Variants in PRTG observed in about 807,000 individuals in gnomAD.
PRTG encodes the protein immunoglobulin superfamily, DCC subclass, member 5.
A neutral mutation model predicts 122.5 loss-of-function variants in PRTG; 67 were observed. That is an observed-to-expected ratio of 0.55 (90% CI 0.45 to 0.67). The LOEUF is 0.67. PRTG is among the 30% of genes least tolerant of loss of function. The pLI is 0.00. For missense variants in PRTG, 1,435 were observed against 1,415.4 expected (o/e 1.01, Z -0.22); for synonymous variants, 554 against 501.1 (o/e 1.11, Z -1.41).
At chr15:55,626,408 CAA>C (rs79517434) in intron 17 of PRTG, among the ~76,000 whole-genome samples, 23 of 116,306 alleles carry the variant, frequency 2.0e-4, no homozygotes, top group Non-Finnish European at 2.2e-4. Context: ...GACTTTGTCT[CAA>C]AAAAAAAAAA....
intron 2 of PRTG, among the ~76,000 whole-genome samples, chr15:55,724,686 A>C (rs551904110): frequency 6.6e-6 from 1 of 152,310 alleles, no homozygotes; most frequent in African/African-American, 2.4e-5. Flanking sequence ...TGAACCCAGA[A>C]GGCAGAGGTT....
At chr15:55,630,781 A>G (rs2059223381) in intron 15 of PRTG, among the ~76,000 whole-genome samples, 1 of 152,128 alleles carries the variant, frequency 6.6e-6, no homozygotes, top group South Asian at 2.1e-4. Context: ...ATTCAACCAG[A>G]AAGTTGTTTC....
intron 2 of PRTG, among the ~76,000 whole-genome samples, chr15:55,708,973 C>T (rs112289311): frequency 2.6e-5 from 4 of 151,384 alleles, no homozygotes; most frequent in Admixed American, 2.6e-4. Context: ...GGTGAAAAGC[C>T]GTCTCTATTA....
chr15:55,627,503 T>G (rs1369110016), intron 16 of PRTG, among the ~76,000 whole-genome samples: 1 of 149,308 alleles, frequency 6.7e-6, no homozygotes, highest in Non-Finnish European at 1.5e-5. Context: ...TTTTTTTTTT[T>G]TTTTTTTTTT....
At chr15:55,635,344 C>T (rs2059252078) in intron 15 of PRTG, among the ~76,000 whole-genome samples, 1 of 152,150 alleles carries the variant, frequency 6.6e-6, no homozygotes, top group Non-Finnish European at 1.5e-5. Flanking sequence ...TCTGCCTCAG[C>T]CTCCCAAAGT....
chr15:55,637,404 T>C (rs915637452), intron 14 of PRTG, 64 bp from the exon 15 acceptor site: 17 of 1,365,312 alleles, frequency 1.2e-5, no homozygotes, highest in South Asian at 2.1e-5. Context: ...CTCAAATACC[T>C]GGCTTATAGG....
At chr15:55,640,687 AC>A (rs1218697201) in intron 12 of PRTG, among the ~76,000 whole-genome samples, 2 of 152,158 alleles carry the variant, frequency 1.3e-5, no homozygotes, top group African/African-American at 4.8e-5. Context: ...AATATATCTT[AC>A]TTAAATATTT....
At chr15:55,676,039 A>G (rs759056793) in intron 8 of PRTG, among the ~76,000 whole-genome samples, 1 of 152,204 alleles carries the variant, frequency 6.6e-6, no homozygotes, top group Non-Finnish European at 1.5e-5. Context: ...TACTTGCTTC[A>G]ACTCATGGGG....
chr15:55,656,155 T>G (rs1029165000), intron 11 of PRTG: 1 of 278,828 alleles, frequency 3.6e-6, no homozygotes, highest in African/African-American at 2.3e-5. Flanking sequence ...GTATTTAAAT[T>G]TCCAAAATTG....
At chr15:55,726,671 T>C (rs1279100249) in intron 2 of PRTG, among the ~76,000 whole-genome samples, 1 of 149,342 alleles carries the variant, frequency 6.7e-6, no homozygotes, top group East Asian at 1.9e-4. Flanking sequence ...ATTAAAATTA[T>C]AAAAAGTATT....
chr15:55,718,948 T>C (rs925275827), intron 2 of PRTG, among the ~76,000 whole-genome samples: 1 of 152,152 alleles, frequency 6.6e-6, no homozygotes. Flanking sequence ...TTTCACTGTG[T>C]TGCCCAGACT....
intron 2 of PRTG, among the ~76,000 whole-genome samples, chr15:55,723,804 T>G (rs1595678166): frequency 7.0e-6 from 1 of 142,718 alleles, no homozygotes; most frequent in Non-Finnish European, 1.5e-5. Context: ...CAGGCTGGAG[T>G]GCAATGGTGC....
intron 5 of PRTG, 57 bp downstream of exon 5, chr15:55,680,434 T>A: frequency 6.7e-7 from 1 of 1,495,554 alleles, no homozygotes; most frequent in Non-Finnish European, 9.0e-7. Context: ...ATAAATTTCA[T>A]TAGAATGAAC....
chr15:55,657,835 C>A (rs1191912302), intron 11 of PRTG, among the ~76,000 whole-genome samples: 1 of 151,978 alleles, frequency 6.6e-6, no homozygotes, highest in East Asian at 1.9e-4. Flanking sequence ...TAGGTATATT[C>A]AATTTAAAAT....
At chr15:55,716,200 T>C (rs1296884599) in intron 2 of PRTG, among the ~76,000 whole-genome samples, 1 of 152,146 alleles carries the variant, frequency 6.6e-6, no homozygotes, top group Non-Finnish European at 1.5e-5. Flanking sequence ...GGCACTGCAC[T>C]CCAGCCTGGG....
At chr15:55,690,721 T>G (rs931637361) in intron 2 of PRTG, among the ~76,000 whole-genome samples, 1 of 152,122 alleles carries the variant, frequency 6.6e-6, no homozygotes, top group African/African-American at 2.4e-5. Flanking sequence ...TCAACCCAAA[T>G]TATAAAAGCA....
chr15:55,678,129 AT>A, intron 7 of PRTG, 85 bp from the exon 8 acceptor site: 1 of 743,032 alleles, frequency 1.3e-6, no homozygotes, highest in Non-Finnish European at 2.1e-6. Flanking sequence ...ATATACTCTC[AT>A]TTTATTTTAT....
chr15:55,656,834 C>A lies in PRTG; in HGVS notation c.2041+15611G>T, dbSNP rs564973827. 4.6e-5 allele frequency among the ~76,000 whole-genome samples: 7 copies of A among 152,270 alleles called. No homozygotes were observed. In the East Asian group the frequency reaches 1.2e-3, roughly 25 times the overall value. ...TAATTGTCTTAGTGGCCAATTTTAT[C>A]TCTTTTTGTCTATATCAAGTTATAT... On this transcript the variant is annotated intron_variant, in intron 11 of 19. Coordinates refer to ENST00000389286, the MANE Select transcript of PRTG (RefSeq NM_173814.6).
At chr15:55,738,888 A>G (rs527361917) in intron 2 of PRTG, among the ~76,000 whole-genome samples, 11 of 116,340 alleles carry the variant, frequency 9.5e-5, no homozygotes, top group African/African-American at 3.8e-4. Flanking sequence ...AGGAAAAGAC[A>G]GAGGAAGGAA....
Sources: allele counts gnomAD v4.1 joint callset (sites outside exome capture counted in the v4.1 genomes callset), GRCh38; gene constraint gnomAD v4.1.1; transcripts MANE v1.5; gene names NCBI Gene and HGNC (gene_info 2026-07-23, HGNC 2026-07-21).